The following CRK variants were observed in gnomAD, a reference collection of about 807,000 sequenced individuals.
CRK encodes adapter molecule crk.
In CRK, 4 loss-of-function variants were observed where a neutral mutation model predicts 29.8. The ratio of observed to expected loss-of-function variants is 0.13; its 90% CI spans 0.07 to 0.31. CRK has a LOEUF of 0.31. Among genes scored for constraint, CRK ranks in the 10% least tolerant of loss-of-function variants. The pLI is 1.00. For missense variants in CRK, 274 were observed against 396.5 expected (o/e 0.69, Z 2.62); for synonymous variants, 153 against 164.9 (o/e 0.93, Z 0.55).
At chr17:1,425,057 ATG>A (rs1223327652) in intron 2 of CRK, 3 of 151,784 alleles carry the variant, frequency 2.0e-5, no homozygotes, top group Non-Finnish European at 4.4e-5. Flanking sequence ...TATTTATAAA[ATG>A]TCTCTTGTTG....
At chr17:1,442,287 T>C (rs1187943575) in intron 1 of CRK, among the ~76,000 whole-genome samples, 2 of 151,842 alleles carry the variant, frequency 1.3e-5, no homozygotes, top group East Asian at 3.9e-4. Context: ...CCTGAGCAAC[T>C]GGGACTATAG....
At chr17:1,437,236 G>C (rs974170958) in intron 1 of CRK, 81 bp from the exon 2 acceptor site, 1 of 1,425,682 alleles carries the variant, frequency 7.0e-7, no homozygotes, top group African/African-American at 1.4e-5. Context: ...ATTTTTTTTA[G>C]AGTTGGGATC....
intron 1 of CRK, among the ~76,000 whole-genome samples, chr17:1,446,103 GAAGCT>G (rs2073972883): frequency 6.6e-6 from 1 of 152,162 alleles, no homozygotes; most frequent in Non-Finnish European, 1.5e-5. Context: ...GTGATGGAAA[GAAGCT>G]AAGCACAATG....
At chr17:1,429,184 GCCAAAAT>G (rs898367015) in intron 2 of CRK, among the ~76,000 whole-genome samples, 1 of 151,956 alleles carries the variant, frequency 6.6e-6, no homozygotes, top group Non-Finnish European at 1.5e-5. Context: ...GGAAAACCAT[GCCAAAAT>G]CTAAAACTTT....
chr17:1,451,254 T>G (rs2074015902), intron 1 of CRK, among the ~76,000 whole-genome samples: 1 of 149,558 alleles, frequency 6.7e-6, no homozygotes, highest in Admixed American at 6.7e-5. Context: ...TGACTTTAGA[T>G]AGCAGATGTG....
intron 1 of CRK, among the ~76,000 whole-genome samples, chr17:1,444,658 G>A (rs2073960620): frequency 6.9e-6 from 1 of 145,400 alleles, no homozygotes; most frequent in Non-Finnish European, 1.5e-5. Context: ...GAGAAACCCC[G>A]TCTTTACTAA....
chr17:1,444,601 G>GGT lies in CRK; in HGVS notation c.242-7447_242-7446insAC, dbSNP rs1021339557. Among the ~76,000 whole-genome samples, 14 of 150,362 alleles carry GGT rather than the reference G, an allele frequency of 9.3e-5. 4 individuals carry two copies. Among genetic ancestry groups the GGT allele is most frequent in the African/African-American group, 1.9e-4 (8 of 41,038 alleles). Reference sequence around the variant, plus strand: ...GCACTTTGGGAAGCCGAAGCGGGGGGGGGGATCACCTGAGATCGGGAGTTC... The same window carrying GGT: ...GCACTTTGGGAAGCCGAAGCGGGGGGGTGGGGATCACCTGAGATCGGGAGTTC... On this transcript the variant is annotated intron_variant, in intron 1 of 2. Coordinates refer to ENST00000300574, the MANE Select transcript of CRK (RefSeq NM_016823.4).
intron 1 of CRK, among the ~76,000 whole-genome samples, chr17:1,449,256 CG>C (rs2074000387): frequency 6.6e-6 from 1 of 152,134 alleles, no homozygotes; most frequent in Non-Finnish European, 1.5e-5. Context: ...TTCACACTTA[CG>C]GATGCACTCC....
intron 1 of CRK, among the ~76,000 whole-genome samples, chr17:1,439,878 C>A (rs1265166532): frequency 6.6e-6 from 1 of 151,876 alleles, no homozygotes; most frequent in Non-Finnish European, 1.5e-5. Context: ...TTTTGTTGGG[C>A]GTGGTGCCTC....
chr17:1,452,811 AAGAC>A (rs1389605587), intron 1 of CRK, among the ~76,000 whole-genome samples: 2 of 152,010 alleles, frequency 1.3e-5, no homozygotes, highest in African/African-American at 2.4e-5. Context: ...AAAAAAAAAA[AAGAC>A]AGCAACTGAC....
Position 1,420,877 on chromosome 17 carries a change from C to G in CRK, c.*2636G>C, listed in dbSNP as rs1383982993. The stretch of plus-strand genomic sequence containing the variant: ...TTATTTCAAATTGGTTTGCTTATCA[C>G]CTATTTCAAACCATTAACAGTGAAA... On this transcript the variant is annotated 3_prime_UTR_variant, in exon 3 of 3. Transcript: ENST00000300574. The G allele has an allele frequency of 1.3e-5, 2 of 151,962 alleles. No individual in the cohort carries two copies. Among genetic ancestry groups the G allele is most frequent in the African/African-American group, 4.8e-5 (2 of 41,378 alleles). The allele number at this position is 151,962 out of a possible 1,614,324, so 9.4% of individuals were successfully genotyped here.
At chr17:1,440,320 C>T (rs894133230) in intron 1 of CRK, among the ~76,000 whole-genome samples, 6 of 150,882 alleles carry the variant, frequency 4.0e-5, no homozygotes, top group African/African-American at 1.5e-4. Flanking sequence ...AAAAATTAGC[C>T]AGGCATAGTG....
At chr17:1,452,223 C>T (rs1363853476) in intron 1 of CRK, among the ~76,000 whole-genome samples, 1 of 152,042 alleles carries the variant, frequency 6.6e-6, no homozygotes, top group Non-Finnish European at 1.5e-5. Context: ...GTGTTTCCTC[C>T]TGTATAAAAT....
chr17:1,443,782 C>T (rs1395945467), intron 1 of CRK, among the ~76,000 whole-genome samples: 1 of 151,470 alleles, frequency 6.6e-6, no homozygotes. Context: ...TCAATGCAAC[C>T]TCTGCCTCCT....
At position 1,430,657 on chromosome 17, in the gene CRK, A is replaced by G. The variant is rs147007451; in HGVS notation, c.777+5963T>C. Among the ~76,000 whole-genome samples, 816 of 149,764 alleles carry G rather than the reference A, an allele frequency of 5.4e-3. 2 individuals carry two copies. The highest frequency in any genetic ancestry group is 0.017 in the Middle Eastern group (5 of 288). The stretch of plus-strand genomic sequence containing the variant: ...TGGGATTACAGGCGTGAGCCACCAC[A>G]CCCAGCCTGATTCTGATTTTTAAAC... On this transcript the variant is annotated intron_variant, in intron 2 of 2. Transcript: ENST00000300574.
intron 1 of CRK, among the ~76,000 whole-genome samples, chr17:1,441,484 T>C (rs1031955647): frequency 1.9e-4 from 29 of 151,852 alleles, no homozygotes; most frequent in African/African-American, 7.0e-4. Context: ...GCGGGTGGCA[T>C]TGCACCCAGC....
intron 1 of CRK, among the ~76,000 whole-genome samples, chr17:1,448,547 T>C (rs2073992591): frequency 7.5e-6 from 1 of 133,996 alleles, no homozygotes; most frequent in South Asian, 2.3e-4. Context: ...TGCCTGAACC[T>C]GGGAGGCAGA....
At chr17:1,425,140 A>G (rs2150898119) in intron 2 of CRK, among the ~76,000 whole-genome samples, 1 of 151,666 alleles carries the variant, frequency 6.6e-6, no homozygotes, top group African/African-American at 2.4e-5. Flanking sequence ...CCCAGGCTGG[A>G]GTGCAGTGGC....
chr17:1,430,709 A>G (rs148072925), intron 2 of CRK, among the ~76,000 whole-genome samples: 1 of 151,802 alleles, frequency 6.6e-6, no homozygotes, highest in African/African-American at 2.4e-5. Context: ...TAAGCAATCA[A>G]TTGGGCTAAT....
Sources: gnomAD v4.1 joint callset for allele counts (sites outside exome capture counted in the v4.1 genomes callset) on GRCh38, gnomAD v4.1.1 for gene constraint, MANE v1.5 for transcripts, NCBI Gene and HGNC (gene_info 2026-07-23, HGNC 2026-07-21) for gene names.